The following PPFIA2 variants were observed in gnomAD, a reference collection of about 807,000 sequenced individuals.
PPFIA2 encodes the protein PPFI scaffold protein A2.
A neutral mutation model predicts 175.5 loss-of-function variants in PPFIA2; 46 were observed. That is an observed-to-expected ratio of 0.26 (90% CI 0.21 to 0.34). PPFIA2 has a LOEUF of 0.34. PPFIA2 is among the 10% of genes least tolerant of loss of function. The probability of loss-of-function intolerance (pLI) is 1.00; values close to 1 mark genes in which losing one functional copy is unlikely to be tolerated. For missense variants in PPFIA2, 1,179 were observed against 1,506.1 expected, an observed-to-expected ratio of 0.78 and a Z score of 3.60; for synonymous variants, 568 against 511.4, an observed-to-expected ratio of 1.11 and a Z score of -1.49.
intron 4 of PPFIA2, among the ~76,000 whole-genome samples, chr12:81,531,332 G>A (rs1270366884): frequency 6.6e-6 from 1 of 151,776 alleles, no homozygotes; most frequent in Non-Finnish European, 1.5e-5. Flanking sequence ...AAGAATGGTG[G>A]AAGAGACAGA....
intron 21 of PPFIA2, among the ~76,000 whole-genome samples, chr12:81,338,849 T>A (rs2057552097): frequency 6.6e-6 from 1 of 152,120 alleles, no homozygotes; most frequent in Non-Finnish European, 1.5e-5. Context: ...ATGAAGACAT[T>A]ATTTACTCAT....
intron 4 of PPFIA2, among the ~76,000 whole-genome samples, chr12:81,570,720 AAT>A (rs2072366759): frequency 6.7e-6 from 1 of 148,530 alleles, no homozygotes; most frequent in Non-Finnish European, 1.5e-5. Flanking sequence ...AATATTTTAT[AAT>A]ATATAAAATA....
At chr12:81,305,210 GAACTA>G (rs1172235147) in intron 22 of PPFIA2, among the ~76,000 whole-genome samples, 1 of 151,908 alleles carries the variant, frequency 6.6e-6, no homozygotes, top group Non-Finnish European at 1.5e-5. Context: ...CAATTTATAA[GAACTA>G]AATAAGATAA....
At chr12:81,532,515 T>C (rs2064735600) in intron 4 of PPFIA2, among the ~76,000 whole-genome samples, 1 of 151,736 alleles carries the variant, frequency 6.6e-6, no homozygotes, top group Non-Finnish European at 1.5e-5. Context: ...ATGGGTTCCA[T>C]TGCTCGCAAA....
chr12:81,467,263 T>C (rs1032962010), intron 4 of PPFIA2, among the ~76,000 whole-genome samples: 2 of 152,172 alleles, frequency 1.3e-5, no homozygotes, highest in African/African-American at 4.8e-5. Flanking sequence ...GCAGTAATTC[T>C]TGCTGATCAA....
At chr12:81,272,270 A>T (rs2039337986) in intron 28 of PPFIA2, among the ~76,000 whole-genome samples, 1 of 150,772 alleles carries the variant, frequency 6.6e-6, no homozygotes, top group African/African-American at 2.4e-5. Context: ...TTATCATTTC[A>T]ATTATTTTCT....
At chr12:81,490,956 T>A (rs1273820490) in intron 4 of PPFIA2, among the ~76,000 whole-genome samples, 1 of 151,980 alleles carries the variant, frequency 6.6e-6, no homozygotes, top group Non-Finnish European at 1.5e-5. Context: ...CTAACTTTAC[T>A]TTTGGCCTTA....
At chr12:81,500,113 G>A (rs753461632) in intron 4 of PPFIA2, among the ~76,000 whole-genome samples, 10 of 152,116 alleles carry the variant, frequency 6.6e-5, no homozygotes, top group East Asian at 1.9e-4. Flanking sequence ...ATGTTTTCCC[G>A]GCACATAGTG....
chr12:81,374,912 G>A, intron 10 of PPFIA2, 144 bp from the exon 11 acceptor site: 3 of 714,988 alleles, frequency 4.2e-6, no homozygotes, highest in Admixed American at 3.1e-5. Context: ...GTTGATTGTT[G>A]TCTTGTTATC....
intron 21 of PPFIA2, among the ~76,000 whole-genome samples, chr12:81,336,914 G>T (rs550537629): frequency 4.0e-4 from 61 of 152,196 alleles, no homozygotes; most frequent in Non-Finnish European, 8.5e-4. Context: ...TTTTTCCCTA[G>T]GTTCCTCAGA....
intron 4 of PPFIA2, among the ~76,000 whole-genome samples, chr12:81,546,972 C>T (rs143090008): frequency 8.5e-5 from 13 of 152,228 alleles, no homozygotes; most frequent in Non-Finnish European, 1.8e-4. Context: ...CGTCACTTCT[C>T]AGTTCCTAAT....
At chr12:81,751,283 T>C (rs899436340) in intron 3 of PPFIA2, among the ~76,000 whole-genome samples, 4 of 152,136 alleles carry the variant, frequency 2.6e-5, no homozygotes, top group African/African-American at 9.7e-5. Context: ...TCTAAATGTA[T>C]AGGCTCATAA....
chr12:81,592,637 TA>T (rs1209035414), intron 4 of PPFIA2, among the ~76,000 whole-genome samples: 1 of 152,146 alleles, frequency 6.6e-6, no homozygotes, highest in African/African-American at 2.4e-5. Flanking sequence ...GCCATCCACT[TA>T]AGACATGACT....
At chr12:81,615,676 T>C (rs574408937) in intron 4 of PPFIA2, among the ~76,000 whole-genome samples, 48 of 152,286 alleles carry the variant, frequency 3.2e-4, no homozygotes, top group Non-Finnish European at 4.3e-4. Flanking sequence ...CTGGCTTTAT[T>C]GGAGGGTTAA....
At chr12:81,342,730 T>G (rs1183618396) in intron 19 of PPFIA2, among the ~76,000 whole-genome samples, 2 of 152,064 alleles carry the variant, frequency 1.3e-5, no homozygotes, top group Non-Finnish European at 1.5e-5. Flanking sequence ...CACAGTTCTG[T>G]GATCCCACCA....
At chr12:81,640,203 C>T (rs566298058) in intron 4 of PPFIA2, among the ~76,000 whole-genome samples, 2 of 152,128 alleles carry the variant, frequency 1.3e-5, no homozygotes, top group Admixed American at 6.5e-5. Flanking sequence ...AATCCTGCAT[C>T]TTATTGTTAT....
intron 4 of PPFIA2, among the ~76,000 whole-genome samples, chr12:81,507,014 T>G (rs968296431): frequency 6.6e-6 from 1 of 152,162 alleles, no homozygotes; most frequent in South Asian, 2.1e-4. Flanking sequence ...CTCATACACA[T>G]ACAGAATGGT....
intron 3 of PPFIA2, among the ~76,000 whole-genome samples, chr12:81,742,430 T>C (rs2082436209): frequency 6.6e-6 from 1 of 152,168 alleles, no homozygotes; most frequent in Non-Finnish European, 1.5e-5. Context: ...GCACATACTT[T>C]GCAGGAAACA....
chr12:81,601,505 G>C (rs2059782711), intron 4 of PPFIA2, among the ~76,000 whole-genome samples: 1 of 151,832 alleles, frequency 6.6e-6, no homozygotes, highest in Non-Finnish European at 1.5e-5. Flanking sequence ...GGATGGAAAA[G>C]TTTCTGTCTC....
Sources: gnomAD v4.1 joint callset for allele counts (sites outside exome capture counted in the v4.1 genomes callset) on GRCh38, gnomAD v4.1.1 for gene constraint, MANE v1.5 for transcripts, NCBI Gene and HGNC (gene_info 2026-07-23, HGNC 2026-07-21) for gene names.